The following MYO1B variants were observed in gnomAD, a reference collection of about 807,000 sequenced individuals.
MYO1B encodes the protein unconventional myosin-Ib.
Under a neutral mutation model 159.7 loss-of-function variants are expected in MYO1B, and 72 were observed. That is an observed-to-expected ratio of 0.45 (90% CI 0.37 to 0.55). The LOEUF (loss-of-function observed/expected upper bound fraction) is 0.55. Among genes scored for constraint, MYO1B ranks in the 20% least tolerant of loss-of-function variants. The pLI is 0.00. For synonymous variants in MYO1B, 468 were observed against 473.8 expected (o/e 0.99, Z 0.16); for missense variants, 1,062 against 1,364.8 (o/e 0.78, Z 3.50).
chr2:191,392,720 A>G (rs1695831550), intron 19 of MYO1B, among the ~76,000 whole-genome samples: 1 of 152,154 alleles, frequency 6.6e-6, no homozygotes, highest in African/African-American at 2.4e-5. Flanking sequence ...AAACGTTAAG[A>G]TTTTGGAAAG....
At position 191,369,526 on chromosome 2, in the gene MYO1B, G is replaced by A. The variant is rs779012919; in HGVS notation, c.1033-16G>A. 9 of 1,600,622 alleles carry A rather than the reference G, an allele frequency of 5.6e-6. 1 individual carries two copies. Among genetic ancestry groups the A allele is most frequent in the Non-Finnish European group, 6.8e-6 (8 of 1,169,714 alleles). ...GAATTGTGGGTGTTAAGTTTTGTTT[G>A]TTTGTTTTTTAATAGGCTTATTATG... On this transcript the variant is annotated splice_polypyrimidine_tract_variant and intron_variant, in intron 11 of 30. Transcript: ENST00000392318.
intron 13 of MYO1B, among the ~76,000 whole-genome samples, chr2:191,376,193 T>G (rs911011541): frequency 1.3e-5 from 2 of 152,194 alleles, no homozygotes; most frequent in African/African-American, 4.8e-5. Flanking sequence ...GAAAAAATGT[T>G]AAGGGAAATT....
chr2:191,423,362 A>C (rs1055922116), intron 30 of MYO1B, among the ~76,000 whole-genome samples: 1 of 152,234 alleles, frequency 6.6e-6, no homozygotes, highest in Non-Finnish European at 1.5e-5. Flanking sequence ...AGACAAAAAA[A>C]TGGTACGACT....
chr2:191,273,896 C>A (rs759304600), intron 1 of MYO1B, among the ~76,000 whole-genome samples: 3 of 152,142 alleles, frequency 2.0e-5, no homozygotes, highest in African/African-American at 4.8e-5. Flanking sequence ...AAGCACATAG[C>A]TCCTTCAGAG....
At chr2:191,356,977 G>A (rs754707937) in intron 7 of MYO1B, among the ~76,000 whole-genome samples, 2 of 152,178 alleles carry the variant, frequency 1.3e-5, no homozygotes, top group Non-Finnish European at 2.9e-5. Flanking sequence ...TTTCAGTCAA[G>A]CTTTCATTGT....
intron 28 of MYO1B, 106 bp downstream of exon 28, chr2:191,414,286 A>C (rs1697428545): frequency 7.2e-7 from 1 of 1,386,088 alleles, no homozygotes; most frequent in African/African-American, 1.5e-5. Context: ...AGTAGAGTTA[A>C]CTATGAAGGC....
At chr2:191,247,756 A>G (rs529199642) in intron 1 of MYO1B, among the ~76,000 whole-genome samples, 2 of 152,268 alleles carry the variant, frequency 1.3e-5, no homozygotes, top group African/African-American at 4.8e-5. Context: ...AATGTAAAGC[A>G]TCTGAACATT....
At position 191,281,431 on chromosome 2, in the gene MYO1B, C is replaced by G. The variant is rs533430248; in HGVS notation, c.135+4401C>G. 1.0e-3 allele frequency among the ~76,000 whole-genome samples: 155 copies of G among 152,298 alleles called. 4 individuals are homozygous for G. The South Asian group carries it at 0.031, about 30-fold the overall frequency. On this transcript the variant is annotated intron_variant, in intron 2 of 30. Coordinates refer to ENST00000392318, the MANE Select transcript of MYO1B (RefSeq NM_001130158.3). ...GTGTGGTTCAAGCTGGGCCCAGCTG[C>G]AGGACATGCTGTTTGGTCTGACAGG...
At chr2:191,270,083 T>C (rs527842924) in intron 1 of MYO1B, among the ~76,000 whole-genome samples, 1 of 152,226 alleles carries the variant, frequency 6.6e-6, no homozygotes, top group African/African-American at 2.4e-5. Context: ...GCCATGCAAT[T>C]TGGCTGAATT....
intron 7 of MYO1B, among the ~76,000 whole-genome samples, chr2:191,358,760 C>T (rs980257419): frequency 4.6e-5 from 7 of 152,202 alleles, no homozygotes; most frequent in Admixed American, 1.3e-4. Flanking sequence ...CAGCTCACCT[C>T]GTCCTCACTC....
intron 4 of MYO1B, among the ~76,000 whole-genome samples, chr2:191,335,874 T>C (rs907925055): frequency 1.3e-5 from 2 of 152,220 alleles, no homozygotes; most frequent in African/African-American, 4.8e-5. Context: ...TTATGTAACA[T>C]GGGCACTTAG....
intron 5 of MYO1B, 22 bp from the exon 6 acceptor site, chr2:191,346,214 A>T (rs374942612): frequency 2.9e-5 from 44 of 1,530,446 alleles, no homozygotes; most frequent in Non-Finnish European, 3.4e-5. Context: ...TTTTAACCAT[A>T]CATCTGTTTC....
chr2:191,258,317 T>C (rs1031226693), intron 1 of MYO1B, among the ~76,000 whole-genome samples: 3 of 152,194 alleles, frequency 2.0e-5, no homozygotes, highest in East Asian at 3.8e-4. Context: ...AGTAAAGATA[T>C]GGTATAAAAG....
chr2:191,389,694 C>G (rs34217435), intron 17 of MYO1B, among the ~76,000 whole-genome samples: 1 of 152,204 alleles, frequency 6.6e-6, no homozygotes, highest in African/African-American at 2.4e-5. Flanking sequence ...GCAAAGTGCC[C>G]TGTTAAGAAA....
At chr2:191,330,269 C>T (rs1200167300) in intron 4 of MYO1B, among the ~76,000 whole-genome samples, 1 of 152,210 alleles carries the variant, frequency 6.6e-6, no homozygotes, top group South Asian at 2.1e-4. Flanking sequence ...ACCTTTTTAG[C>T]GTAGTCTCTG....
At chr2:191,259,290 G>T (rs556077735) in intron 1 of MYO1B, among the ~76,000 whole-genome samples, 3 of 152,316 alleles carry the variant, frequency 2.0e-5, no homozygotes, top group African/African-American at 7.2e-5. Flanking sequence ...GTTTGAGTTG[G>T]TATTGCAACA....
chr2:191,421,022 GT>G (rs1213112682), intron 30 of MYO1B, among the ~76,000 whole-genome samples: 2 of 151,690 alleles, frequency 1.3e-5, no homozygotes, highest in African/African-American at 4.8e-5. Context: ...AGTGTGGTAT[GT>G]AGCAAATCCT....
At chr2:191,410,836 T>C (rs16833672) in intron 26 of MYO1B, among the ~76,000 whole-genome samples, 1,693 of 152,296 alleles carry the variant, frequency 0.011, 62 homozygotes, top group Admixed American at 0.077. Context: ...TAGGCCCTGG[T>C]GTGTTTTGAA....
At chr2:191,374,799 C>CAAATA (rs1343633336) in intron 13 of MYO1B, among the ~76,000 whole-genome samples, 2 of 152,156 alleles carry the variant, frequency 1.3e-5, no homozygotes, top group East Asian at 1.9e-4. Context: ...AATTGTAATG[C>CAAATA]AAATACTCTG....
Sources: gnomAD v4.1 joint callset for allele counts (sites outside exome capture counted in the v4.1 genomes callset) on GRCh38, gnomAD v4.1.1 for gene constraint, MANE v1.5 for transcripts, NCBI Gene and HGNC (gene_info 2026-07-23, HGNC 2026-07-21) for gene names.